The following MARCHF11 variants were observed in gnomAD, a reference collection of about 807,000 sequenced individuals.
MARCHF11 encodes E3 ubiquitin-protein ligase MARCHF11.
In MARCHF11, 29 loss-of-function variants were observed where a neutral mutation model predicts 37.3. That is an observed-to-expected ratio of 0.78 (90% CI 0.58 to 1.06). MARCHF11 has a LOEUF of 1.06. MARCHF11 is among the 50% of genes least tolerant of loss of function. The probability of loss-of-function intolerance (pLI) is 0.00; values close to 1 mark genes in which losing one functional copy is unlikely to be tolerated. For missense variants in MARCHF11, 482 were observed against 533.4 expected, an observed-to-expected ratio of 0.90 and a Z score of 0.95; for synonymous variants, 233 against 228.0, an observed-to-expected ratio of 1.02 and a Z score of -0.20.
chr5:16,150,168 C>G (rs1416656727), intron 2 of MARCHF11, among the ~76,000 whole-genome samples: 1 of 149,092 alleles, frequency 6.7e-6, no homozygotes, highest in Non-Finnish European at 1.5e-5. Context: ...CTCTGTGGGT[C>G]ATTCCTTAAT....
intron 2 of MARCHF11, among the ~76,000 whole-genome samples, chr5:16,095,688 C>G (rs116205733): frequency 0.017 from 2,559 of 152,304 alleles, 77 homozygotes; most frequent in African/African-American, 0.058. Flanking sequence ...GAGCCATCCT[C>G]TCTTGCACTT....
At chr5:16,137,085 A>G (rs997253796) in intron 2 of MARCHF11, among the ~76,000 whole-genome samples, 2 of 152,226 alleles carry the variant, frequency 1.3e-5, no homozygotes, top group African/African-American at 4.8e-5. Context: ...AAACTAACAC[A>G]TCTATTATGT....
In MARCHF11 at chr5:16,067,536, G is replaced by A. The variant is rs771178666; in HGVS notation, c.1144C>T (p.Pro382Ser). ...TTATCTTCTGATAAGTCTTCATGGG[G>A]CCTCATCCGATTGAACAGGTGCAAT... Reference protein sequence around the residue: ...VLLHLFNRMRPHEDLSEDNSS... With the variant: ...VLLHLFNRMRSHEDLSEDNSS... Residue 382 changes from proline to serine, a missense_variant, in exon 4 of 4, where the codon CCC becomes TCC. Pro to Ser is a moderately conservative substitution (Grantham distance 74). Coordinates refer to ENST00000332432, the MANE Select transcript of MARCHF11 (RefSeq NM_001102562.3). 6.8e-6 allele frequency: 11 copies of A among 1,613,892 alleles called. No homozygotes were observed. The South Asian group carries it at 9.9e-5, about 15-fold the overall frequency.
At chr5:16,144,713 A>G (rs759157475) in intron 2 of MARCHF11, among the ~76,000 whole-genome samples, 7 of 152,240 alleles carry the variant, frequency 4.6e-5, no homozygotes, top group Non-Finnish European at 1.0e-4. Flanking sequence ...CAAGTGAGGA[A>G]GTCATAGTAC....
At position 16,090,815 on chromosome 5, in the gene MARCHF11, C is replaced by T. The variant is rs943610374; in HGVS notation, c.886+74G>A. The T allele has an allele frequency of 3.9e-5, 46 of 1,185,618 alleles. No homozygotes were observed. In the African/African-American group the frequency reaches 3.9e-4, roughly 10 times the overall value. 73.4% of individuals were successfully genotyped at this position (1,185,618 alleles called of 1,614,324 possible). On this transcript the variant is annotated intron_variant, in intron 3 of 3. Coordinates refer to ENST00000332432, the MANE Select transcript of MARCHF11 (RefSeq NM_001102562.3). ...AATCCACAACATTCTCTATTAGATC[C>T]GAATGGTGAAAACGTAATCGCTGAA...
rs568750960 is a variant in MARCHF11, at chr5:16,068,014, C to T, written c.887-221G>A. Among the ~76,000 whole-genome samples the T allele has an allele frequency of 9.9e-5, 15 of 152,252 alleles. 3 individuals carry two copies. Among genetic ancestry groups the T allele is most frequent in the African/African-American group, 3.1e-4 (13 of 41,544 alleles). On this transcript the variant is annotated intron_variant, in intron 3 of 3. Transcript: ENST00000332432. ...AGAATGAGAATACACTAATATGTAG[C>T]GAATCAAGCTATTGTGGATATAATT...
At chr5:16,090,434 GC>G (rs1378807469) in intron 3 of MARCHF11, among the ~76,000 whole-genome samples, 1 of 152,132 alleles carries the variant, frequency 6.6e-6, no homozygotes, top group Admixed American at 6.5e-5. Context: ...GTCCCTTTCT[GC>G]CCTTAGAGAA....
chr5:16,143,474 G>C (rs1424835297), intron 2 of MARCHF11, among the ~76,000 whole-genome samples: 3 of 152,192 alleles, frequency 2.0e-5, no homozygotes, highest in Non-Finnish European at 4.4e-5. Context: ...CCAGGCCACT[G>C]GATGTCGATA....
At chr5:16,140,678 T>C (rs1737687946) in intron 2 of MARCHF11, among the ~76,000 whole-genome samples, 2 of 152,196 alleles carry the variant, frequency 1.3e-5, no homozygotes, top group South Asian at 4.1e-4. Flanking sequence ...CAAACTTCCC[T>C]TACGTTCTCA....
At chr5:16,084,501 G>T (rs772465900) in intron 3 of MARCHF11, among the ~76,000 whole-genome samples, 11 of 152,230 alleles carry the variant, frequency 7.2e-5, no homozygotes, top group Middle Eastern at 3.4e-3. Flanking sequence ...AAATTAGCCA[G>T]GTGTGGTGGT....
intron 2 of MARCHF11, among the ~76,000 whole-genome samples, chr5:16,166,587 T>C (rs534202434): frequency 6.6e-6 from 1 of 152,064 alleles, no homozygotes; most frequent in East Asian, 1.9e-4. Flanking sequence ...TAGAAATTTC[T>C]ATATGTAACA....
intron 2 of MARCHF11, among the ~76,000 whole-genome samples, chr5:16,168,225 T>C (rs1001217156): frequency 2.6e-5 from 4 of 152,058 alleles, no homozygotes; most frequent in African/African-American, 9.7e-5. Context: ...TCAGTCTTAG[T>C]AGTATTCAGG....
At chr5:16,101,757 C>A (rs576509702) in intron 2 of MARCHF11, among the ~76,000 whole-genome samples, 10 of 152,312 alleles carry the variant, frequency 6.6e-5, no homozygotes, top group African/African-American at 2.4e-4. Flanking sequence ...TCTCAACAGG[C>A]TATTGCTGTT....
At chr5:16,091,105 A>C (rs373062879) in intron 2 of MARCHF11, 24 bp from the exon 3 acceptor site, 2 of 1,529,440 alleles carry the variant, frequency 1.3e-6, no homozygotes, top group Non-Finnish European at 1.8e-6. Context: ...AGAGGCATGT[A>C]AGAAAGGAGC....
In MARCHF11 at chr5:16,164,684, A is replaced by G. The variant is rs2126606369; in HGVS notation, c.693+13042T>C. On this transcript the variant is annotated intron_variant, in intron 2 of 3. Transcript: ENST00000332432. Reference sequence around the variant, plus strand: ...ATAATAAATGAGATAAAGGCTATAAATAACTTGAAGTTAAAGTCCACATGT... The same window carrying G: ...ATAATAAATGAGATAAAGGCTATAAGTAACTTGAAGTTAAAGTCCACATGT... Among the ~76,000 whole-genome samples the G allele has an allele frequency of 2.0e-5, 3 of 152,256 alleles. No individual in the cohort carries two copies. In the South Asian group the frequency reaches 6.2e-4, roughly 32 times the overall value.
At chr5:16,162,344 T>C (rs1738093443) in intron 2 of MARCHF11, among the ~76,000 whole-genome samples, 1 of 152,004 alleles carries the variant, frequency 6.6e-6, no homozygotes. Context: ...TGATATAAGC[T>C]GTAAATATTG....
intron 2 of MARCHF11, among the ~76,000 whole-genome samples, chr5:16,113,280 G>C (rs1737177811): frequency 6.6e-6 from 1 of 152,124 alleles, no homozygotes; most frequent in African/African-American, 2.4e-5. Flanking sequence ...TTGGAGAGTA[G>C]AGGATATTTC....
chr5:16,177,889 G>C lies in MARCHF11; in HGVS notation c.538-8C>G. On this transcript the variant is annotated splice_region_variant and splice_polypyrimidine_tract_variant and intron_variant, in intron 1 of 3. Transcript: ENST00000332432. ...GGGGTTCAACAACTCACCCTAAAAA[G>C]AAAACAGCTCAGTGTGAATATCTGT... is the stretch of plus-strand genomic sequence containing the variant. 6.2e-7 allele frequency: 1 copy of C among 1,603,248 alleles called. No homozygotes were observed.
chr5:16,157,774 G>A (rs1738001693), intron 2 of MARCHF11, among the ~76,000 whole-genome samples: 1 of 151,810 alleles, frequency 6.6e-6, no homozygotes, highest in Non-Finnish European at 1.5e-5. Context: ...GATTGATCTT[G>A]GCAATGATTT....
Sources: allele counts gnomAD v4.1 joint callset (sites outside exome capture counted in the v4.1 genomes callset), GRCh38; gene constraint gnomAD v4.1.1; transcripts MANE v1.5; gene names NCBI Gene and HGNC (gene_info 2026-07-23, HGNC 2026-07-21).